The following TRA2B variants were observed in gnomAD, a reference collection of about 807,000 sequenced individuals.
TRA2B encodes the protein transformer 2 beta homolog, also known as transformer-2 protein homolog beta.
TRA2B carries 14 observed loss-of-function variants against 41.7 expected under a neutral mutation model. That is an observed-to-expected ratio of 0.34 (90% CI 0.22 to 0.53). The LOEUF is 0.53. Ranked by LOEUF, TRA2B falls within the 20% of genes least tolerant of loss-of-function variation. The pLI is 0.95. For missense variants in TRA2B, 167 were observed against 396.8 expected (o/e 0.42, Z 4.92); for synonymous variants, 130 against 128.8 (o/e 1.01, Z -0.06).
At chr3:185,936,281 C>T in intron 1 of TRA2B, 1 of 985,366 alleles carries the variant, frequency 1.0e-6, no homozygotes, top group Non-Finnish European at 1.2e-6. Context: ...GATTCAACTG[C>T]CAATGATCAG....
In TRA2B at chr3:185,916,057, T is replaced by G. The variant is rs1300792732; in HGVS notation, c.*1658A>C. 6.6e-6 allele frequency: 1 copy of G among 152,220 alleles called. No homozygotes were observed. Among genetic ancestry groups the G allele is most frequent in the African/African-American group, 2.4e-5 (1 of 41,442 alleles). The allele number at this position is 152,220 out of a possible 1,614,324, so 9.4% of individuals were successfully genotyped here. ...ATAACCCATCAGGCATATACTAAGT[T>G]GTTTCCACATGCTTATCAGAAACAA... On this transcript the variant is annotated 3_prime_UTR_variant, in exon 9 of 9. Coordinates refer to ENST00000453386, the MANE Select transcript of TRA2B (RefSeq NM_004593.3).
In TRA2B at chr3:185,928,252, A is replaced by G. The variant is rs553505246; in HGVS notation, c.37-1518T>C. 6 of 152,318 alleles carry G rather than the reference A, an allele frequency of 3.9e-5. No homozygotes were observed. In the South Asian group the frequency reaches 1.2e-3, roughly 32 times the overall value. 9.4% of individuals were successfully genotyped at this position (152,318 alleles called of 1,614,324 possible). On this transcript the variant is annotated intron_variant, in intron 1 of 8. Coordinates refer to ENST00000453386, the MANE Select transcript of TRA2B (RefSeq NM_004593.3). The stretch of plus-strand genomic sequence containing the variant: ...AAGGTTTGAGGTTTAACACAGAAGG[A>G]AAGGCTAACTCATCCAGTAAAATGA...
At chr3:185,937,383 C>T in intron 1 of TRA2B, 1 of 1,000,982 alleles carries the variant, frequency 1.0e-6, no homozygotes. Context: ...CGAAGCGCGG[C>T]CCGCTGCGGG....
intron 6 of TRA2B, among the ~76,000 whole-genome samples, chr3:185,920,828 C>T (rs1743705189): frequency 6.6e-6 from 1 of 152,110 alleles, no homozygotes; most frequent in Non-Finnish European, 1.5e-5. Context: ...TGCGCCTGGC[C>T]TCATTCAATG....
intron 6 of TRA2B, among the ~76,000 whole-genome samples, chr3:185,920,591 G>T (rs1266536895): frequency 6.6e-6 from 1 of 151,728 alleles, no homozygotes; most frequent in Non-Finnish European, 1.5e-5. Context: ...CTCTCGCTCT[G>T]TTGCCTACAG....
intron 1 of TRA2B, chr3:185,931,926 GAAA>G: frequency 1.4e-6 from 1 of 713,172 alleles, no homozygotes; most frequent in South Asian, 5.0e-5. Context: ...ACTGAAACTA[GAAA>G]AAAAAAATCC....
Position 185,915,058 on chromosome 3 carries a change from C to T in TRA2B, c.*2657G>A, listed in dbSNP as rs1353668224. ...CATAAGGAAATGTGCAAGCTAGATC[C>T]CTCTCAAGCGCACTTCACAATAGGA... is the stretch of plus-strand genomic sequence containing the variant. On this transcript the variant is annotated 3_prime_UTR_variant, in exon 9 of 9. Transcript: ENST00000453386. Among the ~76,000 whole-genome samples, 2 of 152,114 alleles carry T rather than the reference C, an allele frequency of 1.3e-5. No individual in the cohort carries two copies. The highest frequency in any genetic ancestry group is 1.3e-4 in the Admixed American group (2 of 15,278).
At chr3:185,937,391 G>C (rs537978906) in intron 1 of TRA2B, 1 of 1,002,118 alleles carries the variant, frequency 1.0e-6, no homozygotes, top group African/African-American at 1.7e-5. Context: ...GGCCCGCTGC[G>C]GGTCGGGTCC....
At chr3:185,937,787 A>T (rs1232733819) in intron 1 of TRA2B, 38 bp downstream of exon 1, 6 of 1,613,924 alleles carry the variant, frequency 3.7e-6, no homozygotes, top group African/African-American at 1.3e-5. Flanking sequence ...GCAAGGAGCT[A>T]GGACCACACA....
At chr3:185,936,509 G>A (rs1372351237) in intron 1 of TRA2B, 6 of 985,238 alleles carry the variant, frequency 6.1e-6, no homozygotes, top group Non-Finnish European at 6.0e-6. Context: ...AATTACGCAG[G>A]AAACTCACGC....
intron 1 of TRA2B, among the ~76,000 whole-genome samples, chr3:185,929,603 G>A (rs568785385): frequency 5.1e-4 from 77 of 152,230 alleles, no homozygotes; most frequent in African/African-American, 1.8e-3. Flanking sequence ...AATACATCAA[G>A]TAAAAATACA....
intron 1 of TRA2B, chr3:185,936,864 T>C (rs896954966): frequency 1.6e-5 from 16 of 985,234 alleles, no homozygotes; most frequent in Non-Finnish European, 1.4e-5. Flanking sequence ...GTTTAAACCC[T>C]AGAACTGTCT....
rs1437744433 is a variant in TRA2B, at chr3:185,915,291, T to A, written c.*2424A>T. Among the ~76,000 whole-genome samples, 4 of 152,348 alleles carry A rather than the reference T, an allele frequency of 2.6e-5. No individual in the cohort carries two copies. Among genetic ancestry groups the A allele is most frequent in the African/African-American group, 9.6e-5 (4 of 41,588 alleles). ...TAACTTAGCAATCTTCCAAATGAAC[T>A]TTACATTTGGTTTTAGTAGTCTCAG... On this transcript the variant is annotated 3_prime_UTR_variant, in exon 9 of 9. Coordinates refer to ENST00000453386, the MANE Select transcript of TRA2B (RefSeq NM_004593.3).
chr3:185,917,496 A>T lies in TRA2B; in HGVS notation c.*219T>A. 1 of 494,724 alleles carries T rather than the reference A, an allele frequency of 2.0e-6. No homozygotes were observed. The highest frequency in any genetic ancestry group is 3.6e-6 in the Non-Finnish European group (1 of 275,364). The allele number at this position is 494,724 out of a possible 1,614,324, so 30.6% of individuals were successfully genotyped here. Reference sequence around the variant, plus strand: ...GACTGTAAAAAAATACATGCAAAACATACTTTTCTGAAAACACTTAACTTG... The same window carrying T: ...GACTGTAAAAAAATACATGCAAAACTTACTTTTCTGAAAACACTTAACTTG... On this transcript the variant is annotated 3_prime_UTR_variant, in exon 9 of 9. Coordinates refer to ENST00000453386, the MANE Select transcript of TRA2B (RefSeq NM_004593.3).
intron 1 of TRA2B, chr3:185,936,918 G>A (rs1258800771): frequency 2.0e-6 from 2 of 985,240 alleles, no homozygotes; most frequent in African/African-American, 1.7e-5. Flanking sequence ...CCTTTAAGAG[G>A]TGGAAACTTA....
intron 1 of TRA2B, chr3:185,934,351 T>C: frequency 4.1e-6 from 4 of 985,398 alleles, no homozygotes; most frequent in Non-Finnish European, 4.8e-6. Context: ...AAAAACGCTA[T>C]GTAAGGCAAA....
chr3:185,918,313 T>C, intron 8 of TRA2B, 52 bp downstream of exon 8: 4 of 1,355,250 alleles, frequency 3.0e-6, no homozygotes, highest in Non-Finnish European at 2.1e-6. Context: ...TACACTGTCA[T>C]CAGAGCAAGC....
chr3:185,925,728 A>T (rs1244684034), intron 2 of TRA2B, 102 bp from the exon 3 acceptor site: 3 of 1,177,690 alleles, frequency 2.5e-6, no homozygotes, highest in Non-Finnish European at 2.3e-6. Flanking sequence ...CAATCCAGGA[A>T]TATGCTAACA....
At chr3:185,936,832 C>T in intron 1 of TRA2B, 4 of 985,362 alleles carry the variant, frequency 4.1e-6, no homozygotes, top group Non-Finnish European at 4.8e-6. Flanking sequence ...ACCCAGAGCC[C>T]CACAGACCAG....
Sources: gnomAD v4.1 joint callset for allele counts (sites outside exome capture counted in the v4.1 genomes callset) on GRCh38, gnomAD v4.1.1 for gene constraint, MANE v1.5 for transcripts, NCBI Gene and HGNC (gene_info 2026-07-23, HGNC 2026-07-21) for gene names.